PRKN: variants seen among roughly 807,000 people sequenced by gnomAD.
PRKN encodes the protein E3 ubiquitin-protein ligase parkin.
In PRKN, 56 loss-of-function variants were observed where a neutral mutation model predicts 59.5. That is an observed-to-expected ratio of 0.94 (90% confidence interval 0.76 to 1.18). The LOEUF is 1.18. Among genes scored for constraint, PRKN ranks in the 50% most tolerant of loss-of-function variants. The pLI is 0.00. For synonymous variants in PRKN, 250 were observed against 222.1 expected, an observed-to-expected ratio of 1.13 and a Z score of -1.12; for missense variants, 657 against 596.4, an observed-to-expected ratio of 1.10 and a Z score of -1.06.
intron 4 of PRKN, among the ~76,000 whole-genome samples, chr6:162,092,801 A>C (rs1272545204): frequency 6.6e-6 from 1 of 152,226 alleles, no homozygotes; most frequent in Non-Finnish European, 1.5e-5. Flanking sequence ...TTTTTAAAAA[A>C]TAAACATTCG....
intron 7 of PRKN, among the ~76,000 whole-genome samples, chr6:161,606,512 A>C (rs1299568678): frequency 6.6e-6 from 1 of 152,232 alleles, no homozygotes; most frequent in Non-Finnish European, 1.5e-5. Context: ...AAGCCTGACT[A>C]AAATGATATT....
intron 6 of PRKN, among the ~76,000 whole-genome samples, chr6:161,931,225 T>C (rs1418646301): frequency 6.6e-6 from 1 of 152,024 alleles, no homozygotes; most frequent in Non-Finnish European, 1.5e-5. Flanking sequence ...CATTTGAGGT[T>C]AGGAGTTTGA....
chr6:162,404,399 G>T (rs973936375), intron 2 of PRKN, among the ~76,000 whole-genome samples: 5 of 151,216 alleles, frequency 3.3e-5, no homozygotes, highest in African/African-American at 4.9e-5. Context: ...AAGAAAGAAA[G>T]AAAATCCTTT....
At chr6:161,874,159 TATATAA>T (rs1794502626) in intron 6 of PRKN, among the ~76,000 whole-genome samples, 1 of 35,788 alleles carries the variant, frequency 2.8e-5, no homozygotes, top group African/African-American at 1.5e-4. Context: ...ATATATATTA[TATATAA>T]TATATAATAT....
intron 5 of PRKN, among the ~76,000 whole-genome samples, chr6:162,052,172 T>G (rs954884606): frequency 4.6e-5 from 7 of 152,144 alleles, no homozygotes; most frequent in African/African-American, 1.7e-4. Flanking sequence ...TAGGATAATT[T>G]TTTTCAGGTC....
chr6:161,377,727 T>C lies in PRKN; in HGVS notation c.1167+9067A>G, dbSNP rs1159889491. ...CCCTCGGGAATGGGATTAGTGCCCT[T>C]ATAAAGAGAGGGCATTAACCAGTCA... On this transcript the variant is annotated intron_variant, in intron 10 of 11. Coordinates refer to ENST00000366898, the MANE Select transcript of PRKN (RefSeq NM_004562.3). This position sits in a 1 kb window ranked among gnomAD's most constrained non-coding sequence, Gnocchi z 4.2. Among the ~76,000 whole-genome samples the C allele has an allele frequency of 6.6e-6, 1 of 152,054 alleles. No individual in the cohort carries two copies. Among genetic ancestry groups the C allele is most frequent in the Admixed American group, 6.5e-5 (1 of 15,276 alleles).
intron 2 of PRKN, among the ~76,000 whole-genome samples, chr6:162,268,806 C>G (rs2128102317): frequency 6.6e-6 from 1 of 152,226 alleles, no homozygotes; most frequent in South Asian, 2.1e-4. Context: ...CAAACTAGGA[C>G]AAGTCTACAG....
chr6:162,453,914 C>T (rs1245086315), intron 1 of PRKN, among the ~76,000 whole-genome samples: 6 of 151,478 alleles, frequency 4.0e-5, no homozygotes, highest in Non-Finnish European at 8.8e-5. Context: ...CAAAAAAAAA[C>T]GATGAGAAAG....
At chr6:162,326,719 C>T (rs76522582) in intron 2 of PRKN, among the ~76,000 whole-genome samples, 3,330 of 152,230 alleles carry the variant, frequency 0.022, 107 homozygotes, top group African/African-American at 0.074. Context: ...AGCTACAGTG[C>T]CACATATCTG....
intron 6 of PRKN, among the ~76,000 whole-genome samples, chr6:161,857,563 T>C (rs1270900824): frequency 2.0e-5 from 3 of 152,084 alleles, no homozygotes; most frequent in Non-Finnish European, 4.4e-5. Flanking sequence ...CAAATCTACA[T>C]TGGGGTATGT....
chr6:162,687,188 CTTTTTTTTT>C (rs749381380), intron 1 of PRKN, among the ~76,000 whole-genome samples: 1 of 134,630 alleles, frequency 7.4e-6, no homozygotes, highest in Non-Finnish European at 1.6e-5. Flanking sequence ...GCCTCTTTTT[CTTTTTTTTT>C]TTTTTTGAGA....
intron 5 of PRKN, among the ~76,000 whole-genome samples, chr6:162,042,138 A>G (rs190336297): frequency 3.9e-5 from 6 of 152,078 alleles, no homozygotes; most frequent in African/African-American, 1.2e-4. Flanking sequence ...TTTGAATGAA[A>G]TAAATTCATT....
At chr6:161,842,137 C>T (rs1389158645) in intron 6 of PRKN, among the ~76,000 whole-genome samples, 1 of 152,034 alleles carries the variant, frequency 6.6e-6, no homozygotes, top group African/African-American at 2.4e-5. Context: ...AAGCTAAAAT[C>T]CCCCTTTCAA....
At chr6:162,050,736 C>T (rs1777600772) in intron 5 of PRKN, among the ~76,000 whole-genome samples, 1 of 152,124 alleles carries the variant, frequency 6.6e-6, no homozygotes, top group South Asian at 2.1e-4. Flanking sequence ...AAGGGGCTTC[C>T]TACCAGGCCC....
At chr6:162,264,311 T>C (rs1780027259) in intron 2 of PRKN, among the ~76,000 whole-genome samples, 1 of 151,962 alleles carries the variant, frequency 6.6e-6, no homozygotes, top group Non-Finnish European at 1.5e-5. Flanking sequence ...TAAATACAAA[T>C]AAACCAATGC....
chr6:162,324,155 A>G lies in PRKN; in HGVS notation c.172-61390T>C, dbSNP rs1023327125. 5.4e-4 allele frequency among the ~76,000 whole-genome samples: 82 copies of G among 152,214 alleles called. 1 individual carries two copies. The highest frequency in any genetic ancestry group is 7.5e-4 in the Non-Finnish European group (51 of 68,014). ...CAGCAACATGAAAAAATTTTAAAAT[A>G]ATTATGTTTAATAAAACAGGCCAGA... On this transcript the variant is annotated intron_variant, in intron 2 of 11. Coordinates refer to ENST00000366898, the MANE Select transcript of PRKN (RefSeq NM_004562.3).
At chr6:162,566,804 T>C (rs1583819170) in intron 1 of PRKN, among the ~76,000 whole-genome samples, 1 of 152,076 alleles carries the variant, frequency 6.6e-6, no homozygotes, top group African/African-American at 2.4e-5. Context: ...ATTACTCTGA[T>C]ACCAAAACCA....
chr6:162,145,896 T>C (rs374541856), intron 4 of PRKN, among the ~76,000 whole-genome samples: 1 of 152,170 alleles, frequency 6.6e-6, no homozygotes, highest in Admixed American at 6.6e-5. Flanking sequence ...AATGAAGACT[T>C]GGCCTGTAAT....
At chr6:162,095,907 G>A (rs2128297504) in intron 4 of PRKN, among the ~76,000 whole-genome samples, 1 of 152,092 alleles carries the variant, frequency 6.6e-6, no homozygotes, top group East Asian at 1.9e-4. Context: ...GTCATCGAGA[G>A]GATAAAGTTA....
Sources: gnomAD v4.1 joint callset for allele counts (sites outside exome capture counted in the v4.1 genomes callset) on GRCh38, gnomAD v4.1.1 for gene constraint, Gnocchi (gnomAD v3.1) non-coding constraint, MANE v1.5 for transcripts, NCBI Gene and HGNC (gene_info 2026-07-23, HGNC 2026-07-21) for gene names.